Variants in JAK2 observed in about 807,000 individuals in gnomAD.
JAK2 encodes Janus kinase 2.
A neutral mutation model predicts 139.3 loss-of-function variants in JAK2; 86 were observed. The observed-to-expected ratio is 0.62, with a 90% CI of 0.52 to 0.74. The LOEUF (loss-of-function observed/expected upper bound fraction) is 0.74, where lower values mean the gene tolerates loss of function less well. Among genes scored for constraint, JAK2 ranks in the 30% least tolerant of loss-of-function variants. The probability of loss-of-function intolerance (pLI) is 0.00; values close to 1 mark genes in which losing one functional copy is unlikely to be tolerated. For synonymous variants in JAK2, 490 were observed against 437.7 expected (o/e 1.12, Z -1.49); for missense variants, 1,421 against 1,360.3 (o/e 1.04, Z -0.70).
At chr9:5,014,232 G>T (rs1220050703) in intron 2 of JAK2, among the ~76,000 whole-genome samples, 3 of 139,974 alleles carry the variant, frequency 2.1e-5, no homozygotes, top group African/African-American at 8.1e-5. Context: ...TTGAACTCCT[G>T]AGCTAAAGTG....
intron 3 of JAK2, among the ~76,000 whole-genome samples, chr9:5,026,952 G>C (rs1266456575): frequency 6.6e-6 from 1 of 152,090 alleles, no homozygotes; most frequent in African/African-American, 2.4e-5. Flanking sequence ...TTAATGTATT[G>C]TGTAAAACTT....
rs1819386564 is a variant in JAK2 at position 5,077,544 on chromosome 9, A to T, written c.1956A>T (p.Glu652Asp). Residue 652 changes from glutamate (E) to aspartate (D), a missense_variant, in exon 15 of 25, where the codon GAA becomes GAT. Coordinates refer to ENST00000381652, the MANE Select transcript of JAK2 (RefSeq NM_004972.4). Reference protein sequence around the residue: ...KNCINILWKLEVAKQLAWAMH... With the variant: ...KNCINILWKLDVAKQLAWAMH... ...GTATAAATATATTATGGAAACTTGA[A>T]GTTGCTAAACAGTTGGCATGGGCCA... is the stretch of plus-strand genomic sequence containing the variant. The T allele has an allele frequency of 6.7e-7, 1 of 1,493,488 alleles. No homozygotes were observed. Among genetic ancestry groups the T allele is most frequent in the Admixed American group, 2.2e-5 (1 of 44,460 alleles). The allele number at this position is 1,493,488 out of a possible 1,614,324, so 92.5% of individuals were successfully genotyped here.
chr9:5,084,026 C>G (rs1156793400), intron 19 of JAK2, among the ~76,000 whole-genome samples: 1 of 152,040 alleles, frequency 6.6e-6, no homozygotes. Flanking sequence ...CAACATTCCC[C>G]TTTATTGTAA....
In JAK2 at chr9:5,083,965, TTAA is replaced by T. The variant is rs1405802477; in HGVS notation, c.2571+2107_2571+2109del. ...TTCATATATCAAGATTTTCCCATTA[TTAA>T]TATTCTTTTGAGACATAATTTTAAG... On this transcript the variant is annotated intron_variant, in intron 19 of 24. Transcript: ENST00000381652. Among the ~76,000 whole-genome samples, 7 of 147,444 alleles carry T rather than the reference TTAA, an allele frequency of 4.7e-5. No homozygotes were observed. The South Asian group carries it at 1.2e-3, about 25-fold the overall frequency.
chr9:5,061,144 C>T (rs1818143920), intron 8 of JAK2, among the ~76,000 whole-genome samples: 1 of 152,310 alleles, frequency 6.6e-6, no homozygotes, highest in African/African-American at 2.4e-5. Flanking sequence ...ATTTATAGAG[C>T]ACAGGCAGAG....
At chr9:5,111,030 G>T (rs1822461114) in intron 22 of JAK2, 1 of 868,782 alleles carries the variant, frequency 1.2e-6, no homozygotes, top group African/African-American at 1.7e-5. Flanking sequence ...CCGCCTCCCT[G>T]GCCGGGGCGC....
At chr9:5,112,514 C>A in intron 22 of JAK2, 1 of 577,014 alleles carries the variant, frequency 1.7e-6, no homozygotes, top group Non-Finnish European at 3.1e-6. Flanking sequence ...GACCTTTTCC[C>A]CCCAGAGCAG....
rs2130411367 is a variant in JAK2, at chr9:5,054,805, C to A, written c.857C>A (p.Ala286Glu). 1 of 1,612,850 alleles carries A rather than the reference C, an allele frequency of 6.2e-7. No individual in the cohort carries two copies. Among genetic ancestry groups the A allele is most frequent in the South Asian group, 1.1e-5 (1 of 90,990 alleles). ...GSGPSGEEIFATIIITGNGGI... is the reference protein window; with the variant it reads ...GSGPSGEEIFETIIITGNGGI... ...GGTCCTTCAGGTGAGGAGATTTTTG[C>A]AACCATTATAATAACTGGAAACGGT... is the stretch of plus-strand genomic sequence containing the variant. The change falls in exon 7 of 25, where the codon GCA (alanine) becomes GAA (glutamate). Residue 286 changes from alanine to glutamate, a missense_variant. Coordinates refer to ENST00000381652, the MANE Select transcript of JAK2 (RefSeq NM_004972.4). This position sits in a 1 kb window ranked among gnomAD's most constrained non-coding sequence, Gnocchi z 4.9.
intron 16 of JAK2, among the ~76,000 whole-genome samples, chr9:5,078,665 C>T (rs1819475647): frequency 6.6e-6 from 1 of 151,992 alleles, no homozygotes; most frequent in Non-Finnish European, 1.5e-5. Context: ...TTTTTAAAAA[C>T]AGTTTTAATC....
chr9:5,047,435 C>A (rs996176312), intron 5 of JAK2, among the ~76,000 whole-genome samples: 2 of 152,146 alleles, frequency 1.3e-5, no homozygotes, highest in African/African-American at 2.4e-5. Context: ...GCCTTTATAT[C>A]ATCAAATATG....
intron 3 of JAK2, among the ~76,000 whole-genome samples, chr9:5,023,984 C>T (rs967581387): frequency 6.6e-6 from 1 of 152,016 alleles, no homozygotes; most frequent in South Asian, 2.1e-4. Flanking sequence ...GGGCCGGGCA[C>T]GGTGGCTTAC....
At chr9:5,101,644 T>C (rs148747257) in intron 22 of JAK2, among the ~76,000 whole-genome samples, 1 of 152,316 alleles carries the variant, frequency 6.6e-6, no homozygotes, top group African/African-American at 2.4e-5. Flanking sequence ...TGACACCTCA[T>C]ACAGGTGGGT....
At chr9:5,015,538 CTTT>C (rs35167433) in intron 2 of JAK2, among the ~76,000 whole-genome samples, 6 of 109,624 alleles carry the variant, frequency 5.5e-5, no homozygotes, top group African/African-American at 3.0e-5. Flanking sequence ...TTTTTCTTTT[CTTT>C]TTTTTTTTTT....
chr9:4,991,972 A>G (rs1232058870), intron 2 of JAK2, among the ~76,000 whole-genome samples: 2 of 152,166 alleles, frequency 1.3e-5, no homozygotes, highest in Non-Finnish European at 2.9e-5. Flanking sequence ...AAACTACCCA[A>G]AACTTAGTGA....
rs1437472525 is a variant in JAK2 at position 5,072,955 on chromosome 9, A to G, written c.1776+329A>G. Reference sequence around the variant, plus strand: ...GCTCCTCTACAATTACATTTATTTGAAAAAAAAACAAAAAACCAAGTTTCA... The same window carrying G: ...GCTCCTCTACAATTACATTTATTTGGAAAAAAAACAAAAAACCAAGTTTCA... On this transcript the variant is annotated intron_variant, in intron 13 of 24. Transcript: ENST00000381652. 5.5e-5 allele frequency among the ~76,000 whole-genome samples: 7 copies of G among 127,610 alleles called. No individual in the cohort carries two copies. In the East Asian group the frequency reaches 1.4e-3, roughly 26 times the overall value. The allele number at this position is 127,610 out of a possible 152,430, so 83.7% of individuals were successfully genotyped here. A position where few individuals can be genotyped will look rare whatever the true frequency, so the allele number is the denominator to read the frequency against.
At chr9:4,985,873 G>A (rs182695185) in intron 1 of JAK2, 67 bp from the exon 2 acceptor site, 1 of 152,852 alleles carries the variant, frequency 6.5e-6, no homozygotes, top group East Asian at 1.9e-4. Context: ...CACTTAAACA[G>A]CCTAGAAAAA....
chr9:5,090,962 C>G (rs1284649483), intron 22 of JAK2, 51 bp downstream of exon 22: 2 of 1,250,252 alleles, frequency 1.6e-6, no homozygotes, highest in Non-Finnish European at 2.2e-6. Context: ...AGACTTCAAA[C>G]TTTATTGTTG....
At chr9:5,107,073 C>T (rs1224921412) in intron 22 of JAK2, among the ~76,000 whole-genome samples, 1 of 152,090 alleles carries the variant, frequency 6.6e-6, no homozygotes, top group African/African-American at 2.4e-5. Context: ...AGCACTTTGG[C>T]TTTGAAGCCA....
intron 4 of JAK2, among the ~76,000 whole-genome samples, chr9:5,036,074 T>C (rs2130228897): frequency 6.6e-6 from 1 of 152,318 alleles, no homozygotes; most frequent in Admixed American, 6.5e-5. Flanking sequence ...ACAAGCGTTC[T>C]TACCCACCAA....
Sources: allele counts gnomAD v4.1 joint callset (sites outside exome capture counted in the v4.1 genomes callset), GRCh38; gene constraint gnomAD v4.1.1; non-coding constraint Gnocchi (gnomAD v3.1); transcripts MANE v1.5; gene names NCBI Gene and HGNC (gene_info 2026-07-23, HGNC 2026-07-21).